CELF2: variants seen among roughly 807,000 people sequenced by gnomAD.
The protein encoded by CELF2 is CUG triplet repeat RNA-binding protein 2.
A neutral mutation model predicts 62.6 loss-of-function variants in CELF2; 8 were observed. That is an observed-to-expected ratio of 0.13 (90% CI 0.07 to 0.23). The LOEUF (loss-of-function observed/expected upper bound fraction) is 0.23, where lower values mean the gene tolerates loss of function less well. Ranked by LOEUF, CELF2 falls within the 10% of genes least tolerant of loss-of-function variation. The probability of loss-of-function intolerance (pLI) is 1.00; values close to 1 mark genes in which losing one functional copy is unlikely to be tolerated. For missense variants in CELF2, 333 were observed against 671.0 expected (o/e 0.50, Z 5.56); for synonymous variants, 258 against 250.0 (o/e 1.03, Z -0.30).
chr10:11,210,781 C>G (rs1277474955), intron 2 of CELF2, among the ~76,000 whole-genome samples: 3 of 152,134 alleles, frequency 2.0e-5, no homozygotes, highest in Non-Finnish European at 4.4e-5. Flanking sequence ...ATCTGAAGTT[C>G]CTGCCCTGCA....
In CELF2 at chr10:11,177,001, C is replaced by T. The variant is rs758330261; in HGVS notation, c.271+11319C>T. Among the ~76,000 whole-genome samples the T allele has an allele frequency of 2.0e-4, 30 of 152,138 alleles. No homozygotes were observed. The highest frequency in any genetic ancestry group is 3.1e-4 in the Non-Finnish European group (21 of 68,026). On this transcript the variant is annotated intron_variant, in intron 2 of 12. Coordinates refer to ENST00000633077, the MANE Select transcript of CELF2 (RefSeq NM_001326342.2). The surrounding 1 kb of genome is among the most constrained non-coding windows in gnomAD (Gnocchi z 4.8). ...TGGCAGGAAGGTTATTTCAGTGAGA[C>T]GCTGGTTCCTTCTCACCCCTGCACC... is the stretch of plus-strand genomic sequence containing the variant.
chr10:11,147,680 C>G (rs1206084597), intron 1 of CELF2, among the ~76,000 whole-genome samples: 1 of 152,206 alleles, frequency 6.6e-6, no homozygotes, highest in Non-Finnish European at 1.5e-5. Context: ...AAGTGGATTC[C>G]TCTTGTATTT....
intron 1 of CELF2, among the ~76,000 whole-genome samples, chr10:10,827,614 A>G (rs947927198): frequency 3.9e-5 from 6 of 152,232 alleles, no homozygotes; most frequent in African/African-American, 1.2e-4. Flanking sequence ...GAAAGTATTC[A>G]TATTCCCTAA....
chr10:10,704,698 C>T, the CELF2 span, among the ~76,000 whole-genome samples: 2 of 152,172 alleles, frequency 1.3e-5, no homozygotes, highest in South Asian at 4.2e-4. Context: ...CACACTGCTT[C>T]CTCCCTCATC....
At chr10:10,504,839 T>C in the CELF2 span, among the ~76,000 whole-genome samples, 11 of 152,182 alleles carry the variant, frequency 7.2e-5, no homozygotes, top group Non-Finnish European at 1.6e-4. Flanking sequence ...CTGAGCTTTT[T>C]ATTTTGGTTA....
At chr10:10,958,943 C>T (rs1223046636) in intron 2 of CELF2, among the ~76,000 whole-genome samples, 3 of 152,120 alleles carry the variant, frequency 2.0e-5, no homozygotes, top group Admixed American at 6.6e-5. Flanking sequence ...AAGGCTAAAA[C>T]ATTTTTTCAG....
chr10:11,231,624 CA>C (rs1482060051), intron 3 of CELF2, among the ~76,000 whole-genome samples: 2 of 139,190 alleles, frequency 1.4e-5, no homozygotes, highest in Non-Finnish European at 3.1e-5. Flanking sequence ...TTGCTCATTG[CA>C]ACCAAATGAT....
At chr10:10,894,756 C>G (rs2062416054) in intron 1 of CELF2, among the ~76,000 whole-genome samples, 1 of 152,180 alleles carries the variant, frequency 6.6e-6, no homozygotes, top group Non-Finnish European at 1.5e-5. Flanking sequence ...TATTCACAAA[C>G]TTAGAGTGCA....
chr10:10,514,520 A>G, the CELF2 span, among the ~76,000 whole-genome samples: 3 of 152,250 alleles, frequency 2.0e-5, no homozygotes, highest in South Asian at 6.2e-4. Flanking sequence ...GCAGCATGTC[A>G]TCAAGTGCTG....
the CELF2 span, among the ~76,000 whole-genome samples, chr10:10,607,167 G>T: frequency 6.6e-6 from 1 of 152,100 alleles, no homozygotes; most frequent in Non-Finnish European, 1.5e-5. Flanking sequence ...TCCTAACACT[G>T]AAATATTCAA....
chr10:11,260,002 G>A lies in CELF2; in HGVS notation c.538+2130G>A, dbSNP rs1303152986. 6.6e-6 allele frequency among the ~76,000 whole-genome samples: 1 copy of A among 152,180 alleles called. No homozygotes were observed. The highest frequency in any genetic ancestry group is 1.5e-5 in the Non-Finnish European group (1 of 68,040). ...TCCAAGGTATGGAGAAACGGCACAA[G>A]GAGAGCCCTTAAATTACTCATAGCG... On this transcript the variant is annotated intron_variant, in intron 5 of 12. Coordinates refer to ENST00000633077, the MANE Select transcript of CELF2 (RefSeq NM_001326342.2). This position sits in a 1 kb window ranked among gnomAD's most constrained non-coding sequence, Gnocchi z 4.2.
chr10:11,113,717 C>T (rs2055833016), intron 1 of CELF2, among the ~76,000 whole-genome samples: 1 of 152,184 alleles, frequency 6.6e-6, no homozygotes, highest in Non-Finnish European at 1.5e-5. Context: ...GACAGTCCAC[C>T]TCGACCTGGG....
chr10:10,960,749 T>C (rs2049406610), intron 2 of CELF2, among the ~76,000 whole-genome samples: 1 of 152,250 alleles, frequency 6.6e-6, no homozygotes, highest in African/African-American at 2.4e-5. Context: ...GCTGGTTGTT[T>C]AGCTCAAGGC....
chr10:10,632,326 G>A, the CELF2 span, among the ~76,000 whole-genome samples: 1 of 152,172 alleles, frequency 6.6e-6, no homozygotes, highest in East Asian at 1.9e-4. Context: ...AATCACTTGA[G>A]TCACGCAGTG....
chr10:11,122,091 A>G (rs1367424064), intron 1 of CELF2, among the ~76,000 whole-genome samples: 1 of 152,194 alleles, frequency 6.6e-6, no homozygotes, highest in African/African-American at 2.4e-5. Flanking sequence ...CTTGGTTTCT[A>G]TCCTGGCTTC....
At chr10:10,712,173 A>AAAAC in the CELF2 span, among the ~76,000 whole-genome samples, 83 of 149,488 alleles carry the variant, frequency 5.6e-4, 1 homozygote, top group African/African-American at 2.0e-3. Flanking sequence ...AAAAAAAAAA[A>AAAAC]CTGGAATCTC....
At chr10:10,906,964 C>A (rs1284321413) in intron 1 of CELF2, among the ~76,000 whole-genome samples, 2 of 151,952 alleles carry the variant, frequency 1.3e-5, no homozygotes, top group African/African-American at 4.8e-5. Context: ...TGATCCACCC[C>A]CCTCAGCCTC....
At chr10:10,673,322 G>A in the CELF2 span, among the ~76,000 whole-genome samples, 6 of 152,102 alleles carry the variant, frequency 3.9e-5, no homozygotes, top group Non-Finnish European at 5.9e-5. Flanking sequence ...ATGTTGAAAA[G>A]CAGTGGTGAC....
intron 2 of CELF2, among the ~76,000 whole-genome samples, chr10:11,195,407 G>A (rs956784865): frequency 6.6e-6 from 1 of 152,148 alleles, no homozygotes; most frequent in Non-Finnish European, 1.5e-5. Context: ...AAGTCATGAG[G>A]TCCTTGAAGC....
Sources: gnomAD v4.1 joint callset for allele counts (sites outside exome capture counted in the v4.1 genomes callset) on GRCh38, gnomAD v4.1.1 for gene constraint, Gnocchi (gnomAD v3.1) non-coding constraint, MANE v1.5 for transcripts, NCBI Gene and HGNC (gene_info 2026-07-23, HGNC 2026-07-21) for gene names.